TNR: variants seen among roughly 807,000 people sequenced by gnomAD.
TNR encodes tenascin R.
Under a neutral mutation model 150.4 loss-of-function variants are expected in TNR, and 45 were observed. That is an observed-to-expected ratio of 0.30 (90% CI 0.24 to 0.38). TNR has a LOEUF of 0.38. Among genes scored for constraint, TNR ranks in the 10% least tolerant of loss-of-function variants. The probability of loss-of-function intolerance (pLI) is 1.00; values close to 1 mark genes in which losing one functional copy is unlikely to be tolerated. For missense variants in TNR, 1,544 were observed against 1,759.1 expected (o/e 0.88, Z 2.19); for synonymous variants, 687 against 678.4 (o/e 1.01, Z -0.20).
intron 2 of TNR, among the ~76,000 whole-genome samples, chr1:175,426,152 A>G (rs1654958714): frequency 6.6e-6 from 1 of 152,182 alleles, no homozygotes; most frequent in Admixed American, 6.5e-5. Flanking sequence ...AGTTACCTCA[A>G]GGGATGAAGT....
intron 1 of TNR, among the ~76,000 whole-genome samples, chr1:175,540,944 C>T (rs1347625767): frequency 6.6e-6 from 1 of 152,070 alleles, no homozygotes; most frequent in Non-Finnish European, 1.5e-5. Context: ...CTTATTTCCC[C>T]AACCTCCTTT....
chr1:175,734,271 T>A (rs1667717319), intron 1 of TNR, among the ~76,000 whole-genome samples: 1 of 152,224 alleles, frequency 6.6e-6, no homozygotes, highest in Admixed American at 6.5e-5. Context: ...AATTGCAGAA[T>A]CTGTATGTGC....
chr1:175,626,647 G>A (rs1458540504), intron 1 of TNR, among the ~76,000 whole-genome samples: 1 of 152,272 alleles, frequency 6.6e-6, no homozygotes, highest in African/African-American at 2.4e-5. Context: ...AATGAGCTTT[G>A]TGTATTTATA....
chr1:175,567,951 T>C (rs1338953030), intron 1 of TNR, among the ~76,000 whole-genome samples: 2 of 152,254 alleles, frequency 1.3e-5, no homozygotes, highest in Non-Finnish European at 2.9e-5. Flanking sequence ...CATTTCTTTA[T>C]TTCAATTTTC....
intron 1 of TNR, among the ~76,000 whole-genome samples, chr1:175,706,255 A>G (rs755624571): frequency 4.6e-5 from 7 of 152,210 alleles, no homozygotes; most frequent in Non-Finnish European, 8.8e-5. Flanking sequence ...AGCACCAAAT[A>G]TCAGAATGCT....
chr1:175,395,567 T>C (rs1319302455), intron 5 of TNR, among the ~76,000 whole-genome samples: 1 of 151,238 alleles, frequency 6.6e-6, no homozygotes, highest in Non-Finnish European at 1.5e-5. Flanking sequence ...CCCTTTTTCA[T>C]GATCTCTCCA....
intron 1 of TNR, among the ~76,000 whole-genome samples, chr1:175,558,881 C>A (rs1302659589): frequency 2.0e-5 from 3 of 151,960 alleles, no homozygotes; most frequent in Non-Finnish European, 4.4e-5. Context: ...TTGTCCAAAC[C>A]CAAAATATGT....
intron 2 of TNR, among the ~76,000 whole-genome samples, chr1:175,471,799 C>T (rs780813668): frequency 7.6e-4 from 116 of 152,206 alleles, no homozygotes; most frequent in Non-Finnish European, 1.2e-3. Flanking sequence ...TTTACTGTAA[C>T]ATTTTTACGT....
At position 175,334,518 on chromosome 1, in the gene TNR, A is replaced by G. The variant is rs150574444; in HGVS notation, c.3631+1193T>C. 9.8e-5 allele frequency among the ~76,000 whole-genome samples: 15 copies of G among 152,340 alleles called. No individual in the cohort carries two copies. In the East Asian group the frequency reaches 2.9e-3, roughly 29 times the overall value. On this transcript the variant is annotated intron_variant, in intron 20 of 22. Transcript: ENST00000367674. ...GTGACTTTCCTAGTTGCTCCTATAG[A>G]TAACAGCACTATTGCAGATTGGTCT...
chr1:175,599,664 C>A lies in TNR; in HGVS notation c.-164-71295G>T, dbSNP rs2235255. Among the ~76,000 whole-genome samples, 15,983 of 152,268 alleles carry A rather than the reference C, an allele frequency of 0.1. 1,125 individuals are homozygous for A. Among genetic ancestry groups the A allele is most frequent in the East Asian group, 0.39 (1,998 of 5,160 alleles). On this transcript the variant is annotated intron_variant, in intron 1 of 22. Transcript: ENST00000367674. This position sits in a 1 kb window ranked among gnomAD's most constrained non-coding sequence, Gnocchi z 4.7. ...CCTGGCTAACTCCAGAGGCCGGCGG[C>A]TCCTTGCGGTGGGGAGAGGAGGACA... is the stretch of plus-strand genomic sequence containing the variant.
chr1:175,473,714 G>A (rs1397106010), intron 2 of TNR, among the ~76,000 whole-genome samples: 1 of 152,198 alleles, frequency 6.6e-6, no homozygotes, highest in East Asian at 1.9e-4. Context: ...TAAGGCTGAA[G>A]CACTTTGTCT....
chr1:175,378,186 C>A, intron 9 of TNR, among the ~76,000 whole-genome samples: 1 of 152,224 alleles, frequency 6.6e-6, no homozygotes, highest in Non-Finnish European at 1.5e-5. Context: ...CAATGACTCT[C>A]TGTTGCCCTC....
chr1:175,472,454 A>G (rs859410), intron 2 of TNR, among the ~76,000 whole-genome samples: 81,900 of 152,164 alleles, frequency 0.54, 23,339 homozygotes, highest in African/African-American at 0.72. Flanking sequence ...TATCAGTTAC[A>G]TATTGTACAT....
chr1:175,497,884 A>G (rs1228566734), intron 2 of TNR, among the ~76,000 whole-genome samples: 1 of 152,088 alleles, frequency 6.6e-6, no homozygotes, highest in Non-Finnish European at 1.5e-5. Flanking sequence ...ACATGGTGAA[A>G]CCCTGTCTCC....
chr1:175,488,954 A>T (rs1355709453), intron 2 of TNR, among the ~76,000 whole-genome samples: 6 of 152,198 alleles, frequency 3.9e-5, no homozygotes, highest in Non-Finnish European at 8.8e-5. Flanking sequence ...CATGTTCAGA[A>T]TTTATGGGTT....
At chr1:175,603,827 C>T (rs936199535) in intron 1 of TNR, among the ~76,000 whole-genome samples, 1 of 152,230 alleles carries the variant, frequency 6.6e-6, no homozygotes, top group African/African-American at 2.4e-5. Context: ...GCTGCACTCA[C>T]CACGTCACCC....
chr1:175,374,792 C>A (rs763117062), intron 9 of TNR, among the ~76,000 whole-genome samples: 1 of 152,152 alleles, frequency 6.6e-6, no homozygotes, highest in Non-Finnish European at 1.5e-5. Flanking sequence ...GTAAGGGGTG[C>A]GATGAACGGG....
chr1:175,726,079 G>A (rs1288634535), intron 1 of TNR, among the ~76,000 whole-genome samples: 2 of 152,168 alleles, frequency 1.3e-5, no homozygotes, highest in African/African-American at 2.4e-5. Flanking sequence ...AAATAAATGG[G>A]GCAGAAAATT....
intron 22 of TNR, 88 bp from the exon 23 acceptor site, chr1:175,323,564 T>C: frequency 6.4e-7 from 1 of 1,551,928 alleles, no homozygotes; most frequent in Non-Finnish European, 8.7e-7. Flanking sequence ...GAACAGGGAA[T>C]CCACAATGTG....
Sources: allele counts gnomAD v4.1 joint callset (sites outside exome capture counted in the v4.1 genomes callset), GRCh38; gene constraint gnomAD v4.1.1; non-coding constraint Gnocchi (gnomAD v3.1); transcripts MANE v1.5; gene names NCBI Gene and HGNC (gene_info 2026-07-23, HGNC 2026-07-21).